SNTG1: variants seen among roughly 807,000 people sequenced by gnomAD.
SNTG1 encodes the protein syntrophin gamma 1.
A neutral mutation model predicts 74.7 loss-of-function variants in SNTG1; 39 were observed. That is an observed-to-expected ratio of 0.52 (90% CI 0.40 to 0.68). The LOEUF is 0.68. SNTG1 is among the 30% of genes least tolerant of loss of function. The probability of loss-of-function intolerance (pLI) is 0.00; values close to 1 mark genes in which losing one functional copy is unlikely to be tolerated. For synonymous variants in SNTG1, 254 were observed against 217.1 expected, an observed-to-expected ratio of 1.17 and a Z score of -1.49; for missense variants, 685 against 609.5, an observed-to-expected ratio of 1.12 and a Z score of -1.30.
chr8:49,938,045 A>C (rs1347514255), intron 1 of SNTG1, among the ~76,000 whole-genome samples: 1 of 152,140 alleles, frequency 6.6e-6, no homozygotes, highest in Non-Finnish European at 1.5e-5. Flanking sequence ...CCCTGGCTAC[A>C]AAAGTAGCCT....
intron 5 of SNTG1, among the ~76,000 whole-genome samples, chr8:50,440,010 T>C (rs530405608): frequency 6.6e-6 from 1 of 151,792 alleles, no homozygotes; most frequent in South Asian, 2.1e-4. Context: ...CATTTTAACC[T>C]AGTTTTTAAA....
In SNTG1 at chr8:49,971,176, C is replaced by A. The variant is rs192610915; in HGVS notation, c.-103+58945C>A. Among the ~76,000 whole-genome samples, 6 of 152,284 alleles carry A rather than the reference C, an allele frequency of 3.9e-5. No individual in the cohort carries two copies. In the East Asian group the frequency reaches 1.2e-3, roughly 29 times the overall value. ...CATCAAAAAGCTTATTCACCATGAT[C>A]AAGAGGGCTTCATCCCTGGTTTGCA... On this transcript the variant is annotated intron_variant, in intron 1 of 18. Coordinates refer to ENST00000642720, the MANE Select transcript of SNTG1 (RefSeq NM_018967.5).
chr8:50,627,545 TC>T (rs1342724540), intron 13 of SNTG1, among the ~76,000 whole-genome samples: 1 of 152,026 alleles, frequency 6.6e-6, no homozygotes, highest in Non-Finnish European at 1.5e-5. Flanking sequence ...CTTTATAAAT[TC>T]CCCAGTGTTA....
At chr8:50,181,590 T>G (rs369045342) in intron 2 of SNTG1, among the ~76,000 whole-genome samples, 2 of 152,192 alleles carry the variant, frequency 1.3e-5, no homozygotes, top group Admixed American at 6.5e-5. Flanking sequence ...CAAGTTATTT[T>G]GAGTATTTAA....
At chr8:50,602,101 A>G (rs1345148809) in intron 13 of SNTG1, among the ~76,000 whole-genome samples, 4 of 151,958 alleles carry the variant, frequency 2.6e-5, no homozygotes, top group African/African-American at 9.7e-5. Flanking sequence ...TTGAGAGGTT[A>G]GTCTATTTAC....
intron 1 of SNTG1, among the ~76,000 whole-genome samples, chr8:50,062,928 TAC>T (rs1350412772): frequency 6.6e-6 from 1 of 152,252 alleles, no homozygotes; most frequent in African/African-American, 2.4e-5. Flanking sequence ...ATTAAATACA[TAC>T]AGAGACTTGA....
At chr8:50,275,634 A>T (rs71511989) in intron 2 of SNTG1, among the ~76,000 whole-genome samples, 2,575 of 152,234 alleles carry the variant, frequency 0.017, 31 homozygotes, top group Non-Finnish European at 0.026. Flanking sequence ...CTGGAGGTAG[A>T]ACCCATGAAT....
intron 9 of SNTG1, among the ~76,000 whole-genome samples, chr8:50,522,815 G>T (rs1255086139): frequency 6.6e-6 from 1 of 152,092 alleles, no homozygotes; most frequent in African/African-American, 2.4e-5. Context: ...CTGACCTTGT[G>T]ATCTGCCTGC....
At chr8:50,550,155 G>A (rs1002865521) in intron 11 of SNTG1, among the ~76,000 whole-genome samples, 1 of 152,016 alleles carries the variant, frequency 6.6e-6, no homozygotes, top group Non-Finnish European at 1.5e-5. Context: ...GGTCTAATAG[G>A]ACCACCCAAG....
chr8:50,545,199 A>C (rs2094378135), intron 11 of SNTG1, among the ~76,000 whole-genome samples: 1 of 151,834 alleles, frequency 6.6e-6, no homozygotes, highest in Non-Finnish European at 1.5e-5. Context: ...AAGTTGTGTT[A>C]CAGTCATGTA....
intron 17 of SNTG1, among the ~76,000 whole-genome samples, chr8:50,744,090 C>T (rs1277354982): frequency 6.6e-6 from 1 of 151,484 alleles, no homozygotes; most frequent in Non-Finnish European, 1.5e-5. Flanking sequence ...TTTCAGATAT[C>T]TGCCCCCGTG....
intron 1 of SNTG1, among the ~76,000 whole-genome samples, chr8:50,109,734 C>T (rs2080509331): frequency 6.6e-6 from 1 of 152,084 alleles, no homozygotes; most frequent in South Asian, 2.1e-4. Context: ...TCAAAGATAT[C>T]AGTGAGCCCT....
At chr8:50,245,961 G>A (rs1045076284) in intron 2 of SNTG1, among the ~76,000 whole-genome samples, 21 of 151,758 alleles carry the variant, frequency 1.4e-4, no homozygotes, top group Middle Eastern at 3.4e-3. Flanking sequence ...TAGGGTAACC[G>A]CTAAACAATT....
At chr8:50,460,433 T>G (rs761511252) in intron 8 of SNTG1, among the ~76,000 whole-genome samples, 8 of 152,178 alleles carry the variant, frequency 5.3e-5, no homozygotes, top group African/African-American at 7.2e-5. Context: ...ATTCCGTAGG[T>G]TGTATGTATA....
At chr8:50,377,340 A>T (rs2092405920) in intron 2 of SNTG1, among the ~76,000 whole-genome samples, 1 of 152,224 alleles carries the variant, frequency 6.6e-6, no homozygotes. Context: ...GGAAAGTTTA[A>T]CAACTTCGTA....
In SNTG1 at chr8:50,205,882, G is replaced by A. The variant is rs1280309137; in HGVS notation, c.-28+33247G>A. On this transcript the variant is annotated intron_variant, in intron 2 of 18. Coordinates refer to ENST00000642720, the MANE Select transcript of SNTG1 (RefSeq NM_018967.5). ...TGTCAAAGATCAGAGAGTTGTAGAT[G>A]TGTGGTATTATTCCTGAGGGCTCTG... Among the ~76,000 whole-genome samples the A allele has an allele frequency of 3.3e-5, 5 of 152,182 alleles. No homozygotes were observed. In the East Asian group the frequency reaches 7.8e-4, roughly 24 times the overall value.
intron 2 of SNTG1, among the ~76,000 whole-genome samples, chr8:50,194,751 T>A (rs1191340371): frequency 2.0e-5 from 3 of 152,146 alleles, no homozygotes; most frequent in Admixed American, 6.6e-5. Flanking sequence ...CCTTGAGATG[T>A]GACCTTAGAA....
chr8:50,699,051 G>T (rs11785968), intron 15 of SNTG1, among the ~76,000 whole-genome samples: 85,615 of 152,004 alleles, frequency 0.56, 26,215 homozygotes, highest in East Asian at 0.68. Flanking sequence ...AAAAGTTACT[G>T]AGGTGGATCT....
At chr8:50,649,532 G>T (rs983969236) in intron 13 of SNTG1, among the ~76,000 whole-genome samples, 2 of 152,118 alleles carry the variant, frequency 1.3e-5, no homozygotes, top group African/African-American at 4.8e-5. Flanking sequence ...CTCACCAGCT[G>T]TGTTGGAGCT....
Sources: gnomAD v4.1 joint callset for allele counts (sites outside exome capture counted in the v4.1 genomes callset) on GRCh38, gnomAD v4.1.1 for gene constraint, MANE v1.5 for transcripts, NCBI Gene and HGNC (gene_info 2026-07-23, HGNC 2026-07-21) for gene names.